The following SLC38A1 variants were observed in gnomAD, a reference collection of about 807,000 sequenced individuals.
SLC38A1 encodes solute carrier family 38 member 1, also known as sodium-coupled neutral amino acid symporter 1.
A neutral mutation model predicts 60.3 loss-of-function variants in SLC38A1; 18 were observed. The ratio of observed to expected loss-of-function variants is 0.30; its 90% confidence interval spans 0.21 to 0.44. The LOEUF (loss-of-function observed/expected upper bound fraction) is 0.44, where lower values mean the gene tolerates loss of function less well. Among genes scored for constraint, SLC38A1 ranks in the 20% least tolerant of loss-of-function variants. The pLI is 1.00. For synonymous variants in SLC38A1, 196 were observed against 212.1 expected, an observed-to-expected ratio of 0.92 and a Z score of 0.66; for missense variants, 448 against 587.2, an observed-to-expected ratio of 0.76 and a Z score of 2.45.
Position 46,259,535 on chromosome 12 carries a change from A to T in SLC38A1, c.-209+8991T>A, listed in dbSNP as rs182555817. Among the ~76,000 whole-genome samples, 38 of 152,304 alleles carry T rather than the reference A, an allele frequency of 2.5e-4. 1 individual carries two copies. The East Asian group carries it at 6.9e-3, about 28-fold the overall frequency. On this transcript the variant is annotated intron_variant, in intron 1 of 16. Transcript: ENST00000398637. ...TAAATAGTATACTTAATATCTGGAC[A>T]CTGCATTGCATATAATTTATACTTT...
intron 5 of SLC38A1, among the ~76,000 whole-genome samples, chr12:46,218,933 A>C (rs565524094): frequency 6.6e-6 from 1 of 152,300 alleles, no homozygotes; most frequent in African/African-American, 2.4e-5. Context: ...CAGCTGATAC[A>C]TGGAGTACAG....
intron 1 of SLC38A1, among the ~76,000 whole-genome samples, chr12:46,251,644 AAAAC>A (rs1565793464): frequency 2.6e-5 from 4 of 152,240 alleles, no homozygotes; most frequent in South Asian, 4.1e-4. Context: ...TTTCAAGAAA[AAAAC>A]AAACAACCCC....
In SLC38A1 at chr12:46,239,779, G is replaced by A. The variant is rs751063563; in HGVS notation, c.22C>T (p.Leu8Phe). The A allele has an allele frequency of 1.2e-6, 2 of 1,612,976 alleles. No individual in the cohort carries two copies. The highest frequency in any genetic ancestry group is 1.7e-6 in the Non-Finnish European group (2 of 1,179,946). MMHFKSG[L>F]ELTELQNMTV... is the part of the protein sequence containing the mutation. Reference sequence around the variant, plus strand: ...ATGTTTTGCAACTCAGTTAATTCGAGTCCACTTTTGAAATGCATCATGATT... The same window carrying A: ...ATGTTTTGCAACTCAGTTAATTCGAATCCACTTTTGAAATGCATCATGATT... Residue 8 changes from leucine to phenylalanine, a missense_variant, in exon 3 of 17, where the codon CTC (leucine) becomes TTC (phenylalanine). By Grantham distance (22) the Leu-to-Phe change is conservative. Transcript: ENST00000398637.
chr12:46,197,209 G>A (rs1939415996), intron 16 of SLC38A1, among the ~76,000 whole-genome samples: 1 of 152,194 alleles, frequency 6.6e-6, no homozygotes, highest in South Asian at 2.1e-4. Context: ...AAACCAGAGG[G>A]CCGGGCGCGA....
intron 5 of SLC38A1, among the ~76,000 whole-genome samples, chr12:46,220,724 C>T (rs956433187): frequency 3.9e-5 from 6 of 152,142 alleles, no homozygotes; most frequent in Non-Finnish European, 7.3e-5. Flanking sequence ...AATAAAGCAA[C>T]GATAGCTTAA....
chr12:46,262,427 T>C (rs1310741658), intron 1 of SLC38A1, among the ~76,000 whole-genome samples: 3 of 150,888 alleles, frequency 2.0e-5, no homozygotes, highest in Non-Finnish European at 4.4e-5. Context: ...GAACAGTGAG[T>C]GTATATGAGT....
At chr12:46,263,592 C>T (rs1313023478) in intron 1 of SLC38A1, among the ~76,000 whole-genome samples, 1 of 152,198 alleles carries the variant, frequency 6.6e-6, no homozygotes, top group Admixed American at 6.5e-5. Context: ...TCTCTGTGCT[C>T]TGACCTGTCT....
chr12:46,200,056 A>G (rs2137029235), intron 13 of SLC38A1, among the ~76,000 whole-genome samples: 1 of 152,318 alleles, frequency 6.6e-6, no homozygotes, highest in South Asian at 2.1e-4. Flanking sequence ...ACAAAGAAAA[A>G]TTATAGCTTC....
At chr12:46,206,990 T>A (rs902133226) in intron 8 of SLC38A1, among the ~76,000 whole-genome samples, 165 bp downstream of exon 8, 1 of 152,166 alleles carries the variant, frequency 6.6e-6, no homozygotes, top group Non-Finnish European at 1.5e-5. Context: ...TCTCCTGCTT[T>A]TTTCCTTTAT....
intron 1 of SLC38A1, among the ~76,000 whole-genome samples, chr12:46,257,466 A>T (rs1043615740): frequency 2.0e-5 from 3 of 152,168 alleles, no homozygotes; most frequent in African/African-American, 7.2e-5. Flanking sequence ...AACTCTCCTA[A>T]GTTGGGCCTC....
At chr12:46,251,328 T>C (rs752663335) in intron 1 of SLC38A1, among the ~76,000 whole-genome samples, 44 of 152,300 alleles carry the variant, frequency 2.9e-4, no homozygotes, top group Middle Eastern at 3.4e-3. Flanking sequence ...TCTTGACACC[T>C]TATACAAAAA....
intron 5 of SLC38A1, among the ~76,000 whole-genome samples, chr12:46,214,014 T>A (rs764931774): frequency 4.6e-5 from 7 of 152,250 alleles, no homozygotes; most frequent in African/African-American, 7.2e-5. Flanking sequence ...CTTAGCTCAC[T>A]GTATCTCAAA....
Position 46,184,414 on chromosome 12 carries a change from A to G in SLC38A1, c.*4556T>C, listed in dbSNP as rs895814472. ...TGGCTAGATGTTTGCTGTAAACTTG[A>G]ATGGGAGAATTATATTCTTAAAGTT... On this transcript the variant is annotated 3_prime_UTR_variant, in exon 17 of 17. Coordinates refer to ENST00000398637, the MANE Select transcript of SLC38A1 (RefSeq NM_030674.4). 1 of 152,202 alleles carries G rather than the reference A, an allele frequency of 6.6e-6. No homozygotes were observed. Among genetic ancestry groups the G allele is most frequent in the Non-Finnish European group, 1.5e-5 (1 of 68,052 alleles). 9.4% of individuals were successfully genotyped at this position (152,202 alleles called of 1,614,324 possible).
chr12:46,261,905 T>C (rs996217357), intron 1 of SLC38A1, among the ~76,000 whole-genome samples: 1 of 152,126 alleles, frequency 6.6e-6, no homozygotes, highest in Admixed American at 6.5e-5. Flanking sequence ...TTGCAGTAAG[T>C]GAGGGGGTGC....
chr12:46,231,060 A>G (rs187696444), intron 3 of SLC38A1, among the ~76,000 whole-genome samples: 90 of 152,344 alleles, frequency 5.9e-4, no homozygotes, highest in African/African-American at 1.9e-3. Context: ...GTGTCCATCA[A>G]CAGATGACTA....
chr12:46,210,087 C>G (rs1473452002), intron 5 of SLC38A1, among the ~76,000 whole-genome samples: 2 of 152,136 alleles, frequency 1.3e-5, no homozygotes, highest in Non-Finnish European at 2.9e-5. Flanking sequence ...AGGCACTTGG[C>G]ACATCATGCC....
At position 46,199,774 on chromosome 12, in the gene SLC38A1, A is replaced by C. The variant is rs547863220; in HGVS notation, c.1004-1031T>G. On this transcript the variant is annotated intron_variant, in intron 13 of 16. Coordinates refer to ENST00000398637, the MANE Select transcript of SLC38A1 (RefSeq NM_030674.4). ...TATGGAACTGCTCACTCTTTTGACA[A>C]GAGGTAATTTCCCCTCCTGTCTCCT... Among the ~76,000 whole-genome samples the C allele has an allele frequency of 1.3e-4, 20 of 152,270 alleles. 1 individual carries two copies. The South Asian group carries it at 4.1e-3, about 32-fold the overall frequency.
chr12:46,209,117 T>A lies in SLC38A1; in HGVS notation c.325A>T (p.Thr109Ser). The change falls in exon 6 of 17, where the codon ACT becomes TCT. Residue 109 changes from threonine to serine, a missense_variant. Thr to Ser is a moderately conservative substitution (Grantham distance 58). Around this residue, in one of 2 missense-constraint regions of SLC38A1, gnomAD observed 346 missense variants for 497.5 expected, o/e 0.70. Coordinates refer to ENST00000398637, the MANE Select transcript of SLC38A1 (RefSeq NM_030674.4). ...TGILLFLVLLTSVTLLSIYSI... is the reference protein window; with the variant it reads ...TGILLFLVLLSSVTLLSIYSI... The stretch of plus-strand genomic sequence containing the variant: ...TATATAGACAGCAATGTCACTGAAG[T>A]CAAAAGTACCCTAAAGCAAAGAAAA... The A allele has an allele frequency of 3.1e-6, 5 of 1,605,138 alleles. No homozygotes were observed. The highest frequency in any genetic ancestry group is 3.4e-6 in the Non-Finnish European group (4 of 1,172,658).
intron 16 of SLC38A1, among the ~76,000 whole-genome samples, chr12:46,191,277 G>A (rs922279165): frequency 6.6e-6 from 1 of 152,128 alleles, no homozygotes; most frequent in Non-Finnish European, 1.5e-5. Context: ...CCTCTGTTCT[G>A]TTCCATTGGT....
Sources: allele counts gnomAD v4.1 joint callset (sites outside exome capture counted in the v4.1 genomes callset), GRCh38; gene constraint gnomAD v4.1.1; regional missense constraint gnomAD v4.1.1; transcripts MANE v1.5; gene names NCBI Gene and HGNC (gene_info 2026-07-23, HGNC 2026-07-21).